Variants in DYTN observed in about 807,000 individuals in gnomAD.
DYTN encodes dystrotelin.
In DYTN, 75 loss-of-function variants were observed where a neutral mutation model predicts 69.6. That is an observed-to-expected ratio of 1.08 (90% confidence interval 0.89 to 1.31). The LOEUF (loss-of-function observed/expected upper bound fraction) is 1.31. DYTN is among the 50% of genes most tolerant of loss of function. The probability of loss-of-function intolerance (pLI) is 0.00; values close to 1 mark genes in which losing one functional copy is unlikely to be tolerated. For synonymous variants in DYTN, 252 were observed against 249.1 expected (o/e 1.01, Z -0.11); for missense variants, 726 against 688.4 (o/e 1.05, Z -0.61).
chr2:206,668,557 A>C (rs1385299876), intron 9 of DYTN, among the ~76,000 whole-genome samples: 1 of 152,182 alleles, frequency 6.6e-6, no homozygotes, highest in East Asian at 1.9e-4. Context: ...CTATACTTTT[A>C]TATCTTTATC....
intron 11 of DYTN, among the ~76,000 whole-genome samples, chr2:206,658,792 C>T (rs1037651780): frequency 2.6e-5 from 4 of 152,154 alleles, no homozygotes; most frequent in African/African-American, 9.7e-5. Flanking sequence ...CATCTTTGTT[C>T]TCAAACCATG....
intron 9 of DYTN, among the ~76,000 whole-genome samples, chr2:206,671,276 G>T (rs1029945998): frequency 6.6e-6 from 1 of 152,142 alleles, no homozygotes; most frequent in Non-Finnish European, 1.5e-5. Flanking sequence ...TCTGAAGAGG[G>T]GCTGGCCATT....
At chr2:206,711,676 C>G (rs1203643055) in intron 1 of DYTN, among the ~76,000 whole-genome samples, 2 of 151,736 alleles carry the variant, frequency 1.3e-5, no homozygotes, top group African/African-American at 4.8e-5. Flanking sequence ...TGTGGGTGTG[C>G]TGCACCCATT....
At chr2:206,655,531 T>C (rs1398254373) in intron 11 of DYTN, among the ~76,000 whole-genome samples, 1 of 152,048 alleles carries the variant, frequency 6.6e-6, no homozygotes, top group Non-Finnish European at 1.5e-5. Context: ...TGCTTCAGTC[T>C]CTTGAGTAGC....
chr2:206,671,679 A>G (rs992663455), intron 9 of DYTN, among the ~76,000 whole-genome samples: 1 of 152,214 alleles, frequency 6.6e-6, no homozygotes, highest in Non-Finnish European at 1.5e-5. Context: ...CTTAGGGAGA[A>G]CAATGAAAAA....
At chr2:206,710,058 A>G (rs139703350) in intron 2 of DYTN, among the ~76,000 whole-genome samples, 6 of 152,306 alleles carry the variant, frequency 3.9e-5, no homozygotes, top group African/African-American at 1.4e-4. Flanking sequence ...TGGGTTATTT[A>G]TTCATTTGTA....
intron 4 of DYTN, among the ~76,000 whole-genome samples, chr2:206,705,257 C>T (rs909713179): frequency 6.6e-5 from 10 of 152,240 alleles, no homozygotes; most frequent in South Asian, 4.2e-4. Flanking sequence ...CCACCACACC[C>T]GGCTAATTTT....
chr2:206,714,505 T>C (rs1214869534), intron 1 of DYTN, among the ~76,000 whole-genome samples: 1 of 152,192 alleles, frequency 6.6e-6, no homozygotes, highest in Non-Finnish European at 1.5e-5. Flanking sequence ...TAAAGACGGC[T>C]CTTGAAGTCA....
chr2:206,657,337 C>A (rs1261124044), intron 11 of DYTN, among the ~76,000 whole-genome samples: 1 of 152,048 alleles, frequency 6.6e-6, no homozygotes, highest in Non-Finnish European at 1.5e-5. Context: ...GGCATACTAC[C>A]AGCTTCAAGC....
At chr2:206,688,637 A>C (rs1225798120) in intron 9 of DYTN, among the ~76,000 whole-genome samples, 2 of 152,144 alleles carry the variant, frequency 1.3e-5, no homozygotes, top group African/African-American at 2.4e-5. Flanking sequence ...GTTACAAATA[A>C]ATTTTTGCAA....
intron 1 of DYTN, among the ~76,000 whole-genome samples, chr2:206,711,518 G>A (rs1228452408): frequency 1.3e-5 from 2 of 151,952 alleles, no homozygotes; most frequent in Non-Finnish European, 2.9e-5. Flanking sequence ...GAAAATGTAG[G>A]CAATATACTT....
At chr2:206,665,768 A>G in intron 10 of DYTN, 102 bp downstream of exon 10, 1 of 1,396,264 alleles carries the variant, frequency 7.2e-7, no homozygotes, top group Admixed American at 2.3e-5. Flanking sequence ...AGGCAAGGGA[A>G]GAGGCTGATC....
chr2:206,687,568 A>G (rs1189347494), intron 9 of DYTN, among the ~76,000 whole-genome samples: 1 of 151,990 alleles, frequency 6.6e-6, no homozygotes, highest in Admixed American at 6.6e-5. Flanking sequence ...ATATCTGTCT[A>G]TTCCTTCATG....
intron 5 of DYTN, chr2:206,701,069 G>T (rs1359597250): frequency 6.6e-6 from 1 of 152,072 alleles, no homozygotes; most frequent in African/African-American, 2.4e-5. Flanking sequence ...ATATTTTTAA[G>T]ACTATTCAAG....
chr2:206,672,462 C>T (rs1699639714), intron 9 of DYTN, among the ~76,000 whole-genome samples: 1 of 152,202 alleles, frequency 6.6e-6, no homozygotes, highest in Non-Finnish European at 1.5e-5. Flanking sequence ...TGTCCTCATA[C>T]ATCAGTCCAG....
intron 5 of DYTN, among the ~76,000 whole-genome samples, chr2:206,701,627 T>A (rs1699978267): frequency 6.6e-6 from 1 of 152,186 alleles, no homozygotes. Context: ...TGCCAGGGGC[T>A]GAGGACAGGG....
chr2:206,699,949 C>A, intron 6 of DYTN, 59 bp from the exon 7 acceptor site: 1 of 1,572,590 alleles, frequency 6.4e-7, no homozygotes, highest in Non-Finnish European at 8.6e-7. Context: ...TTTTCATTTT[C>A]TTTTCTGACT....
At chr2:206,675,111 A>ATGTGTGTGTG (rs1395995174) in intron 9 of DYTN, among the ~76,000 whole-genome samples, 1 of 95,680 alleles carries the variant, frequency 1.0e-5, no homozygotes, top group African/African-American at 4.6e-5. Flanking sequence ...AAACATATAT[A>ATGTGTGTGTG]TATATGTGTG....
chr2:206,687,945 T>C (rs1222651813), intron 9 of DYTN, among the ~76,000 whole-genome samples: 1 of 152,220 alleles, frequency 6.6e-6, no homozygotes, highest in Non-Finnish European at 1.5e-5. Flanking sequence ...CTCTCACTAT[T>C]CTTCAGTCTC....
Sources: allele counts gnomAD v4.1 joint callset (sites outside exome capture counted in the v4.1 genomes callset), GRCh38; gene constraint gnomAD v4.1.1; transcripts MANE v1.5; gene names NCBI Gene and HGNC (gene_info 2026-07-23, HGNC 2026-07-21).